FUT9: variants seen among roughly 807,000 people sequenced by gnomAD.
FUT9 encodes the protein fucosyltransferase 9, also known as 4-galactosyl-N-acetylglucosaminide 3-alpha-L-fucosyltransferase 9.
A neutral mutation model predicts 29.7 loss-of-function variants in FUT9; 15 were observed. That is an observed-to-expected ratio of 0.51 (90% CI 0.34 to 0.78). The LOEUF (loss-of-function observed/expected upper bound fraction) is 0.78. Among genes scored for constraint, FUT9 ranks in the 30% least tolerant of loss-of-function variants. FUT9 has a pLI of 0.01. For synonymous variants in FUT9, 169 were observed against 153.7 expected, an observed-to-expected ratio of 1.10 and a Z score of -0.74; for missense variants, 319 against 425.4, an observed-to-expected ratio of 0.75 and a Z score of 2.20.
At chr6:96,063,981 T>G (rs4304170) in intron 1 of FUT9, among the ~76,000 whole-genome samples, 3 of 151,954 alleles carry the variant, frequency 2.0e-5, no homozygotes, top group Admixed American at 6.5e-5. Context: ...AATGAACCAG[T>G]AGTCTCTTGG....
In FUT9 at chr6:96,083,889, A is replaced by G. The variant is rs76107381; in HGVS notation, c.-97-30150A>G. 7.8e-3 allele frequency among the ~76,000 whole-genome samples: 1,193 copies of G among 152,076 alleles called. 26 individuals carry two copies. Among genetic ancestry groups the G allele is most frequent in the African/African-American group, 0.027 (1,137 of 41,534 alleles). On this transcript the variant is annotated intron_variant, in intron 1 of 2. Coordinates refer to ENST00000302103, the MANE Select transcript of FUT9 (RefSeq NM_006581.4). ...ATTCTTTCATCTATTCTTGATGACT[A>G]TTTCTTGAGTGTCTTCCAGACTATT... is the stretch of plus-strand genomic sequence containing the variant.
intron 2 of FUT9, among the ~76,000 whole-genome samples, chr6:96,200,354 C>T (rs919887068): frequency 2.6e-5 from 4 of 152,104 alleles, no homozygotes; most frequent in Admixed American, 6.6e-5. Flanking sequence ...GGATTATTCA[C>T]GTTTGTATTA....
intron 2 of FUT9, among the ~76,000 whole-genome samples, chr6:96,158,572 T>C (rs1772834983): frequency 6.6e-6 from 1 of 152,112 alleles, no homozygotes; most frequent in African/African-American, 2.4e-5. Context: ...CCTAATTTCT[T>C]AATCACTTCT....
chr6:96,060,709 G>A (rs928884755), intron 1 of FUT9, among the ~76,000 whole-genome samples: 2 of 151,866 alleles, frequency 1.3e-5, no homozygotes, highest in Non-Finnish European at 2.9e-5. Flanking sequence ...GCTAATTTTT[G>A]TATTTTTTTG....
At position 96,164,253 on chromosome 6, in the gene FUT9, C is replaced by CTTTT. The variant is rs57049980; in HGVS notation, c.-8-38877_-8-38874dup. ...ATAAACAGTTTTGGAGATCCAGGTT[C>CTTTT]TTTTTTTTTTTTTTTTTTTTTGAGA... is the stretch of plus-strand genomic sequence containing the variant. On this transcript the variant is annotated intron_variant, in intron 2 of 2. Coordinates refer to ENST00000302103, the MANE Select transcript of FUT9 (RefSeq NM_006581.4). Among the ~76,000 whole-genome samples the CTTTT allele has an allele frequency of 3.8e-3, 404 of 105,676 alleles. 7 individuals carry two copies. Among genetic ancestry groups the CTTTT allele is most frequent in the Non-Finnish European group, 4.7e-3 (264 of 55,610 alleles). The allele number at this position is 105,676 out of a possible 152,430, so 69.3% of individuals were successfully genotyped here.
intron 2 of FUT9, among the ~76,000 whole-genome samples, chr6:96,129,787 A>G (rs957477002): frequency 2.6e-5 from 4 of 151,898 alleles, no homozygotes; most frequent in Non-Finnish European, 5.9e-5. Context: ...ATATTCTTCT[A>G]TTACTTTCAT....
chr6:96,117,747 AT>A (rs1449831889), intron 2 of FUT9, among the ~76,000 whole-genome samples: 1 of 152,212 alleles, frequency 6.6e-6, no homozygotes, highest in Non-Finnish European at 1.5e-5. Flanking sequence ...CGATATGGAA[AT>A]ATTCTTATTT....
chr6:96,082,665 T>G (rs182635121), intron 1 of FUT9, among the ~76,000 whole-genome samples: 2 of 152,052 alleles, frequency 1.3e-5, no homozygotes, highest in East Asian at 3.9e-4. Context: ...TATATGCATT[T>G]TAAAAATTAG....
At chr6:96,069,615 T>A (rs1321672631) in intron 1 of FUT9, among the ~76,000 whole-genome samples, 2 of 101,220 alleles carry the variant, frequency 2.0e-5, no homozygotes, top group Non-Finnish European at 4.4e-5. Flanking sequence ...ACTATTATTT[T>A]TTTATTTTTT....
At chr6:96,134,317 CTG>C (rs1390747418) in intron 2 of FUT9, among the ~76,000 whole-genome samples, 1 of 151,702 alleles carries the variant, frequency 6.6e-6, no homozygotes, top group Admixed American at 6.6e-5. Context: ...TCCTTTTGTC[CTG>C]TGACTATATC....
intron 2 of FUT9, among the ~76,000 whole-genome samples, chr6:96,193,115 G>A (rs1334232705): frequency 6.7e-6 from 1 of 149,556 alleles, no homozygotes; most frequent in Non-Finnish European, 1.5e-5. Context: ...AGAAAACCTA[G>A]ACAATACCAT....
chr6:96,101,984 G>A (rs1218042483), intron 1 of FUT9, among the ~76,000 whole-genome samples: 2 of 151,864 alleles, frequency 1.3e-5, no homozygotes, highest in Non-Finnish European at 2.9e-5. Flanking sequence ...TATTTCATTT[G>A]ATATCACATA....
At chr6:96,123,465 T>C (rs912758562) in intron 2 of FUT9, among the ~76,000 whole-genome samples, 4 of 152,202 alleles carry the variant, frequency 2.6e-5, no homozygotes, top group African/African-American at 7.2e-5. Flanking sequence ...GTAAGTGTAT[T>C]GACGTCATTT....
Position 96,168,913 on chromosome 6 carries a change from A to T in FUT9, c.-8-34235A>T, listed in dbSNP as rs114360178. Reference sequence around the variant, plus strand: ...TGTACAAATCAAGGAATTGGCTCTCATAGGAATAAAGCTTATCCTACCTAT... The same window carrying T: ...TGTACAAATCAAGGAATTGGCTCTCTTAGGAATAAAGCTTATCCTACCTAT... On this transcript the variant is annotated intron_variant, in intron 2 of 2. Coordinates refer to ENST00000302103, the MANE Select transcript of FUT9 (RefSeq NM_006581.4). Among the ~76,000 whole-genome samples the T allele has an allele frequency of 3.5e-3, 530 of 152,324 alleles. 2 individuals carry two copies. Among genetic ancestry groups the T allele is most frequent in the African/African-American group, 0.011 (474 of 41,534 alleles).
At chr6:96,037,130 T>C (rs1198496310) in intron 1 of FUT9, 4 of 152,016 alleles carry the variant, frequency 2.6e-5, no homozygotes, top group African/African-American at 9.7e-5. Context: ...TTTATATGTA[T>C]GTGGGTATGG....
intron 2 of FUT9, among the ~76,000 whole-genome samples, chr6:96,114,681 T>C (rs1416195690): frequency 1.3e-5 from 2 of 151,992 alleles, no homozygotes; most frequent in Non-Finnish European, 2.9e-5. Flanking sequence ...AAGTAGTCTT[T>C]GTACAGATAT....
chr6:96,154,083 A>AATC (rs1772730728), intron 2 of FUT9, among the ~76,000 whole-genome samples: 1 of 152,214 alleles, frequency 6.6e-6, no homozygotes, highest in Admixed American at 6.5e-5. Context: ...TCCAATGGTT[A>AATC]ATCTGTTTGA....
intron 2 of FUT9, among the ~76,000 whole-genome samples, chr6:96,122,239 G>A (rs1197154424): frequency 6.6e-6 from 1 of 152,148 alleles, no homozygotes; most frequent in Admixed American, 6.5e-5. Context: ...CACATGAATA[G>A]AATTTGGAAA....
intron 2 of FUT9, among the ~76,000 whole-genome samples, chr6:96,192,729 G>T (rs1204144428): frequency 6.6e-6 from 1 of 151,848 alleles, no homozygotes; most frequent in African/African-American, 2.4e-5. Flanking sequence ...AACCAAAAAA[G>T]AGCCTGCATC....
Sources: gnomAD v4.1 joint callset for allele counts (sites outside exome capture counted in the v4.1 genomes callset) on GRCh38, gnomAD v4.1.1 for gene constraint, MANE v1.5 for transcripts, NCBI Gene and HGNC (gene_info 2026-07-23, HGNC 2026-07-21) for gene names.